Variants in SLC39A11 observed in about 807,000 individuals in gnomAD.
SLC39A11 encodes solute carrier family 39 member 11.
In SLC39A11, 33 loss-of-function variants were observed where a neutral mutation model predicts 36.1. The observed-to-expected ratio is 0.91, with a 90% CI of 0.69 to 1.22. SLC39A11 has a LOEUF of 1.22. SLC39A11 is among the 50% of genes most tolerant of loss of function. The pLI is 0.00. For synonymous variants in SLC39A11, 166 were observed against 170.3 expected (o/e 0.97, Z 0.20); for missense variants, 432 against 430.3 (o/e 1.00, Z -0.03).
intron 5 of SLC39A11, among the ~76,000 whole-genome samples, chr17:72,864,798 C>G (rs961598925): frequency 3.3e-5 from 5 of 152,072 alleles, no homozygotes; most frequent in Admixed American, 2.6e-4. Context: ...GTATTTTCAT[C>G]TTATTGTGGA....
At chr17:72,854,254 C>T (rs1165661132) in intron 5 of SLC39A11, among the ~76,000 whole-genome samples, 2 of 149,560 alleles carry the variant, frequency 1.3e-5, no homozygotes, top group South Asian at 2.1e-4. Flanking sequence ...GACTCAGCAT[C>T]TTTGCCTCCA....
chr17:72,875,814 G>A (rs186902532), intron 5 of SLC39A11, among the ~76,000 whole-genome samples: 3 of 152,082 alleles, frequency 2.0e-5, no homozygotes, highest in Non-Finnish European at 4.4e-5. Flanking sequence ...GCTCAGTCAC[G>A]GGACCAAACT....
At chr17:72,732,872 G>T (rs902851346) in intron 7 of SLC39A11, among the ~76,000 whole-genome samples, 1 of 152,198 alleles carries the variant, frequency 6.6e-6, no homozygotes, top group Non-Finnish European at 1.5e-5. Flanking sequence ...ATAAAAGTTT[G>T]TACCATACAC....
In SLC39A11 at chr17:72,849,811, A is replaced by C. The variant is rs2079219520; in HGVS notation, c.431-7T>G. The stretch of plus-strand genomic sequence containing the variant: ...TCACCATTCTCACTCTTGTCTGAGC[A>C]AAAAAAAAAAAAAAGAGAGATGGGG... On this transcript the variant is annotated splice_region_variant and splice_polypyrimidine_tract_variant and intron_variant, in intron 5 of 9. Coordinates refer to ENST00000255559, the MANE Select transcript of SLC39A11 (RefSeq NM_139177.4). The C allele has an allele frequency of 2.8e-5, 2 of 71,538 alleles. No individual in the cohort carries two copies. Among genetic ancestry groups the C allele is most frequent in the Admixed American group, 1.5e-4 (1 of 6,712 alleles). 4.4% of individuals were successfully genotyped at this position (71,538 alleles called of 1,614,324 possible).
chr17:72,932,776 T>C (rs1469158524), intron 5 of SLC39A11, among the ~76,000 whole-genome samples: 1 of 152,168 alleles, frequency 6.6e-6, no homozygotes, highest in East Asian at 1.9e-4. Flanking sequence ...GCATTTTACA[T>C]GTATTCGCTT....
At chr17:73,086,393 T>C (rs2060731164) in intron 2 of SLC39A11, among the ~76,000 whole-genome samples, 1 of 152,160 alleles carries the variant, frequency 6.6e-6, no homozygotes, top group African/African-American at 2.4e-5. Flanking sequence ...AAATGTGGTA[T>C]GTACATACAA....
chr17:73,026,619 G>C (rs1361521355), intron 4 of SLC39A11, among the ~76,000 whole-genome samples: 1 of 151,872 alleles, frequency 6.6e-6, no homozygotes, highest in Non-Finnish European at 1.5e-5. Context: ...ATGTTTGACT[G>C]GTTGGTCTGG....
chr17:72,835,951 C>T (rs956562771), intron 6 of SLC39A11, among the ~76,000 whole-genome samples: 8 of 152,114 alleles, frequency 5.3e-5, no homozygotes, highest in Admixed American at 2.0e-4. Flanking sequence ...TGCCTGTGGG[C>T]GACCACCTGC....
chr17:72,870,826 G>A (rs990477760), intron 5 of SLC39A11, among the ~76,000 whole-genome samples: 4 of 152,170 alleles, frequency 2.6e-5, no homozygotes, highest in Non-Finnish European at 4.4e-5. Context: ...CCTGGCTGCC[G>A]CAATGTTAAG....
chr17:72,803,409 C>T (rs575270559), intron 6 of SLC39A11, among the ~76,000 whole-genome samples: 1 of 152,240 alleles, frequency 6.6e-6, no homozygotes, highest in African/African-American at 2.4e-5. Context: ...AGAATCTGCA[C>T]GTGGTTCAAA....
chr17:73,084,257 G>C (rs1422093013), intron 3 of SLC39A11, among the ~76,000 whole-genome samples: 1 of 151,934 alleles, frequency 6.6e-6, no homozygotes, highest in Non-Finnish European at 1.5e-5. Flanking sequence ...GGGCAACATG[G>C]TGAAACCCCA....
intron 5 of SLC39A11, among the ~76,000 whole-genome samples, chr17:72,930,133 T>C (rs1188367807): frequency 6.6e-6 from 1 of 152,188 alleles, no homozygotes; most frequent in African/African-American, 2.4e-5. Flanking sequence ...ATACAGCATT[T>C]TAAACAAGCT....
intron 2 of SLC39A11, among the ~76,000 whole-genome samples, chr17:73,086,957 G>A (rs2060752089): frequency 6.6e-6 from 1 of 152,094 alleles, no homozygotes; most frequent in Admixed American, 6.6e-5. Context: ...TCGGGAGGCT[G>A]AGGCAGAAGA....
At chr17:73,086,752 G>A (rs1159032850) in intron 2 of SLC39A11, among the ~76,000 whole-genome samples, 6 of 152,168 alleles carry the variant, frequency 3.9e-5, no homozygotes, top group African/African-American at 4.8e-5. Flanking sequence ...CCCAGGAGGT[G>A]GAGGTTGCAG....
At chr17:72,845,892 C>A (rs186449727) in intron 6 of SLC39A11, among the ~76,000 whole-genome samples, 197 of 152,202 alleles carry the variant, frequency 1.3e-3, no homozygotes, top group African/African-American at 4.6e-3. Context: ...GGCACTCAAT[C>A]CTCATTTCAA....
intron 7 of SLC39A11, among the ~76,000 whole-genome samples, chr17:72,714,537 A>G (rs1473967287): frequency 2.0e-5 from 3 of 152,208 alleles, no homozygotes; most frequent in African/African-American, 7.2e-5. Context: ...GACAGTGTCA[A>G]CATCCACCTC....
chr17:72,716,067 C>T (rs982591992), intron 7 of SLC39A11, among the ~76,000 whole-genome samples: 5 of 152,030 alleles, frequency 3.3e-5, no homozygotes, highest in African/African-American at 7.2e-5. Context: ...ATACCTAACT[C>T]CCGCCCTCGT....
At chr17:72,704,809 T>G (rs1263542472) in intron 7 of SLC39A11, among the ~76,000 whole-genome samples, 2 of 152,120 alleles carry the variant, frequency 1.3e-5, no homozygotes, top group Non-Finnish European at 2.9e-5. Context: ...GAACAATGGG[T>G]GCAACTCCAT....
intron 5 of SLC39A11, among the ~76,000 whole-genome samples, chr17:72,875,196 A>G (rs1244339840): frequency 6.6e-6 from 1 of 152,234 alleles, no homozygotes; most frequent in Non-Finnish European, 1.5e-5. Flanking sequence ...TGAGCTGTGT[A>G]TATTATTTTA....
Sources: gnomAD v4.1 joint callset for allele counts (sites outside exome capture counted in the v4.1 genomes callset) on GRCh38, gnomAD v4.1.1 for gene constraint, MANE v1.5 for transcripts, NCBI Gene and HGNC (gene_info 2026-07-23, HGNC 2026-07-21) for gene names.